The following SLIT2 variants were observed in gnomAD, a reference collection of about 807,000 sequenced individuals.
SLIT2 encodes slit guidance ligand 2.
A neutral mutation model predicts 185.7 loss-of-function variants in SLIT2; 41 were observed. The ratio of observed to expected loss-of-function variants is 0.22; its 90% CI spans 0.17 to 0.29. The LOEUF (loss-of-function observed/expected upper bound fraction) is 0.29. Among genes scored for constraint, SLIT2 ranks in the 10% least tolerant of loss-of-function variants. The pLI is 1.00. For synonymous variants in SLIT2, 693 were observed against 680.2 expected (o/e 1.02, Z -0.29); for missense variants, 1,571 against 1,909.0 (o/e 0.82, Z 3.30).
rs1560226201 is a variant in SLIT2, at chr4:20,596,464, C to T, written c.3370C>T (p.Pro1124Ser). 6.2e-7 allele frequency: 1 copy of T among 1,613,916 alleles called. No individual in the cohort carries two copies. Among genetic ancestry groups the T allele is most frequent in the East Asian group, 2.2e-5 (1 of 44,862 alleles). ...ACCCATGGTCCTCCCTCGTACCAGC[C>T]CCTGTGATAATTTTGATTGTCAGAA... ...SPPMVLPRTS[P>S]CDNFDCQNGA... is the part of the protein sequence containing the mutation. Residue 1124 changes from proline (P) to serine (S), a missense_variant, in exon 32 of 37, where the codon CCC becomes TCC. Pro to Ser is a moderately conservative substitution (Grantham distance 74, BLOSUM62 -1). Coordinates refer to ENST00000504154, the MANE Select transcript of SLIT2 (RefSeq NM_004787.4).
At chr4:20,370,814 A>G (rs1723510801) in intron 4 of SLIT2, among the ~76,000 whole-genome samples, 1 of 152,120 alleles carries the variant, frequency 6.6e-6, no homozygotes, top group South Asian at 2.1e-4. Flanking sequence ...ATTTTCCTGT[A>G]AAACAGAGGA....
At chr4:20,588,316 G>C (rs17620814) in intron 29 of SLIT2, among the ~76,000 whole-genome samples, 1 of 151,938 alleles carries the variant, frequency 6.6e-6, no homozygotes, top group Non-Finnish European at 1.5e-5. Flanking sequence ...TTTGCATCAC[G>C]GGAAAAGACT....
At chr4:20,346,271 C>G (rs1721404253) in intron 4 of SLIT2, among the ~76,000 whole-genome samples, 1 of 152,184 alleles carries the variant, frequency 6.6e-6, no homozygotes, top group African/African-American at 2.4e-5. Context: ...GTTGAGATTA[C>G]AGGCATGAGC....
chr4:20,318,886 C>T (rs1718818267), intron 4 of SLIT2, among the ~76,000 whole-genome samples: 1 of 152,096 alleles, frequency 6.6e-6, no homozygotes, highest in Admixed American at 6.6e-5. Context: ...AGAACTAAGG[C>T]TTCTTACGTA....
intron 29 of SLIT2, among the ~76,000 whole-genome samples, chr4:20,573,535 C>T (rs905631312): frequency 6.6e-6 from 1 of 152,024 alleles, no homozygotes; most frequent in Non-Finnish European, 1.5e-5. Context: ...GAATAAGGGA[C>T]TAATATAAAT....
intron 4 of SLIT2, among the ~76,000 whole-genome samples, chr4:20,354,904 TGTGAGAGAGAGA>T (rs1400479782): frequency 7.4e-4 from 47 of 63,336 alleles, no homozygotes; most frequent in South Asian, 4.5e-3. Flanking sequence ...TGTGTGTGTG[TGTGAGAGAGAGA>T]GAGAGAGAGA....
chr4:20,474,852 T>A (rs1035428011), intron 5 of SLIT2, among the ~76,000 whole-genome samples: 1 of 152,062 alleles, frequency 6.6e-6, no homozygotes, highest in Non-Finnish European at 1.5e-5. Context: ...TTCAGTTTAT[T>A]TAAAAAGTTG....
In SLIT2 at chr4:20,381,162, A is replaced by G. The variant is rs554548976; in HGVS notation, c.396-86590A>G. Among the ~76,000 whole-genome samples, 4 of 152,266 alleles carry G rather than the reference A, an allele frequency of 2.6e-5. No individual in the cohort carries two copies. In the South Asian group the frequency reaches 6.2e-4, roughly 24 times the overall value. ...TAGCTACTCGAGAGGCTGATGCAAG[A>G]GAATCACTTGAACCCGGGATTCGGA... On this transcript the variant is annotated intron_variant, in intron 4 of 36. Coordinates refer to ENST00000504154, the MANE Select transcript of SLIT2 (RefSeq NM_004787.4).
intron 4 of SLIT2, among the ~76,000 whole-genome samples, chr4:20,395,157 A>G (rs956264512): frequency 4.6e-5 from 7 of 152,068 alleles, no homozygotes; most frequent in Admixed American, 1.3e-4. Context: ...TGATTTATCT[A>G]TATCTTCTAA....
At chr4:20,429,005 T>A (rs1728762824) in intron 4 of SLIT2, among the ~76,000 whole-genome samples, 1 of 152,172 alleles carries the variant, frequency 6.6e-6, no homozygotes, top group African/African-American at 2.4e-5. Flanking sequence ...TCTTAGGAAG[T>A]AAGTCCATTT....
intron 29 of SLIT2, among the ~76,000 whole-genome samples, chr4:20,570,774 A>C (rs916856317): frequency 1.4e-5 from 2 of 143,604 alleles, no homozygotes; most frequent in African/African-American, 5.2e-5. Flanking sequence ...TCCTGATGAA[A>C]ACCTAGGCTT....
chr4:20,347,822 T>C (rs1472426130), intron 4 of SLIT2, among the ~76,000 whole-genome samples: 1 of 152,200 alleles, frequency 6.6e-6, no homozygotes, highest in Non-Finnish European at 1.5e-5. Flanking sequence ...TGAAGAGAAG[T>C]AAAGCTCATA....
intron 4 of SLIT2, among the ~76,000 whole-genome samples, chr4:20,451,896 C>T (rs1162135924): frequency 9.9e-5 from 15 of 152,102 alleles, no homozygotes; most frequent in Admixed American, 9.8e-4. Context: ...CTATGACATA[C>T]ATTATTAAAA....
intron 36 of SLIT2, 91 bp downstream of exon 36, chr4:20,617,741 A>T (rs1035000441): frequency 1.2e-5 from 10 of 853,360 alleles, no homozygotes; most frequent in Non-Finnish European, 1.8e-5. Context: ...GTGAAAAAAA[A>T]AAAAAAAACA....
chr4:20,337,039 A>C (rs755306499), intron 4 of SLIT2, among the ~76,000 whole-genome samples: 5 of 152,086 alleles, frequency 3.3e-5, no homozygotes, highest in African/African-American at 4.8e-5. Context: ...TTTTCAGAGT[A>C]TTTTATTAGA....
In SLIT2 at chr4:20,557,677, C is replaced by A. The variant is rs575070054; in HGVS notation, c.2725+3709C>A. ...TGGATAAAGGAATAATTTTGATTTT[C>A]AAGTCTTATTTCAGAAATACATTTT... On this transcript the variant is annotated intron_variant, in intron 26 of 36. Coordinates refer to ENST00000504154, the MANE Select transcript of SLIT2 (RefSeq NM_004787.4). Among the ~76,000 whole-genome samples, 4 of 152,164 alleles carry A rather than the reference C, an allele frequency of 2.6e-5. No homozygotes were observed. The South Asian group carries it at 8.3e-4, about 32-fold the overall frequency.
chr4:20,370,968 G>A (rs1343705100), intron 4 of SLIT2, among the ~76,000 whole-genome samples: 1 of 152,090 alleles, frequency 6.6e-6, no homozygotes. Flanking sequence ...TTTTAGAAAT[G>A]TCTTGAATTG....
intron 34 of SLIT2, chr4:20,616,520 G>C (rs1003731459): frequency 2.5e-5 from 4 of 161,882 alleles, no homozygotes; most frequent in African/African-American, 9.6e-5. Context: ...TTCCAGGAGT[G>C]TGTGCCTGGA....
intron 4 of SLIT2, among the ~76,000 whole-genome samples, chr4:20,302,578 T>G (rs1290091470): frequency 6.6e-6 from 1 of 152,068 alleles, no homozygotes; most frequent in Non-Finnish European, 1.5e-5. Flanking sequence ...GATAAAGCGT[T>G]CATGAGGACT....
Sources: gnomAD v4.1 joint callset for allele counts (sites outside exome capture counted in the v4.1 genomes callset) on GRCh38, gnomAD v4.1.1 for gene constraint, MANE v1.5 for transcripts, NCBI Gene and HGNC (gene_info 2026-07-23, HGNC 2026-07-21) for gene names.